PITPNB: variants seen among roughly 807,000 people sequenced by gnomAD.
The protein encoded by PITPNB is phosphatidylinositol transfer protein beta isoform.
In PITPNB, 16 loss-of-function variants were observed where a neutral mutation model predicts 45.9. That is an observed-to-expected ratio of 0.35 (90% CI 0.24 to 0.53). The LOEUF is 0.53. PITPNB is among the 20% of genes least tolerant of loss of function. PITPNB has a pLI of 0.93. For synonymous variants in PITPNB, 112 were observed against 108.9 expected (o/e 1.03, Z -0.18); for missense variants, 188 against 330.5 (o/e 0.57, Z 3.34).
chr22:27,919,070 A>G, intron 1 of PITPNB, 102 bp downstream of exon 1: 2 of 1,584,460 alleles, frequency 1.3e-6, no homozygotes, highest in Middle Eastern at 3.3e-4. Flanking sequence ...AGGGGCTGAC[A>G]CAGGGCTGAC....
chr22:27,896,768 C>A, intron 5 of PITPNB, 142 bp from the exon 6 acceptor site: 1 of 627,922 alleles, frequency 1.6e-6, no homozygotes, highest in Non-Finnish European at 2.8e-6. Flanking sequence ...GAATCATTGG[C>A]TACCGATTTT....
chr22:27,857,663 G>GC (rs1934211054), intron 10 of PITPNB, among the ~76,000 whole-genome samples: 1 of 152,186 alleles, frequency 6.6e-6, no homozygotes, highest in Non-Finnish European at 1.5e-5. Flanking sequence ...CACCCATGGG[G>GC]CCTTACTGCC....
chr22:27,910,013 T>C (rs1412124908), intron 3 of PITPNB, among the ~76,000 whole-genome samples: 1 of 149,760 alleles, frequency 6.7e-6, no homozygotes, highest in Admixed American at 6.7e-5. Flanking sequence ...TGCAGTGGTG[T>C]GATCTCGGCT....
Position 27,896,590 on chromosome 22 carries a change from C to T in PITPNB, c.334G>A (p.Glu112Lys). 1.2e-6 allele frequency: 2 copies of T among 1,611,196 alleles called. No individual in the cohort carries two copies. The highest frequency in any genetic ancestry group is 1.7e-6 in the Non-Finnish European group (2 of 1,177,358). The part of the protein sequence containing the change: ...YMKDDFFIKI[E>K]TWHKPDLGTL... ...CCCAAGTCTGGTTTGTGCCATGTTT[C>T]GATTTTAATGAAGAAATCATCTTTC... is the stretch of plus-strand genomic sequence containing the variant. Residue 112 changes from glutamate (E) to lysine (K), a missense_variant, in exon 6 of 12, where the codon GAA becomes AAA. Glu to Lys is a moderately conservative substitution (Grantham distance 56). Coordinates refer to ENST00000335272, the MANE Select transcript of PITPNB (RefSeq NM_012399.5).
At chr22:27,885,350 T>A (rs1038573701) in intron 7 of PITPNB, among the ~76,000 whole-genome samples, 1 of 151,822 alleles carries the variant, frequency 6.6e-6, no homozygotes, top group Admixed American at 6.6e-5. Flanking sequence ...AATCCTAAAC[T>A]TTTTACTGTG....
At chr22:27,915,884 C>G (rs1438911354) in intron 1 of PITPNB, among the ~76,000 whole-genome samples, 2 of 151,956 alleles carry the variant, frequency 1.3e-5, no homozygotes, top group Non-Finnish European at 2.9e-5. Context: ...ATAAGGAATC[C>G]CAAAAGGTTG....
chr22:27,879,127 T>C (rs1934899070), intron 7 of PITPNB, among the ~76,000 whole-genome samples: 1 of 152,172 alleles, frequency 6.6e-6, no homozygotes, highest in Non-Finnish European at 1.5e-5. Context: ...GTGGGAGCAC[T>C]GCTAGGCTAG....
intron 3 of PITPNB, among the ~76,000 whole-genome samples, chr22:27,908,836 C>T (rs1366161583): frequency 1.3e-5 from 2 of 152,064 alleles, no homozygotes; most frequent in African/African-American, 4.8e-5. Context: ...ATTGATTGAT[C>T]AGAGTTACTG....
intron 7 of PITPNB, among the ~76,000 whole-genome samples, chr22:27,881,435 G>T (rs1413493599): frequency 6.6e-6 from 1 of 152,190 alleles, no homozygotes; most frequent in Non-Finnish European, 1.5e-5. Flanking sequence ...CTAGTGATAA[G>T]TAACACATTT....
intron 3 of PITPNB, among the ~76,000 whole-genome samples, chr22:27,909,207 C>CTT (rs34224616): frequency 0.047 from 3,854 of 81,824 alleles, 92 homozygotes; most frequent in Admixed American, 0.084. Flanking sequence ...ACTGGTAGTA[C>CTT]TTTTTTTTTT....
chr22:27,913,003 A>AAAG (rs398036742), intron 2 of PITPNB, among the ~76,000 whole-genome samples: 23 of 138,194 alleles, frequency 1.7e-4, no homozygotes, highest in East Asian at 2.3e-4. Flanking sequence ...AAAAAAAAAA[A>AAAG]GGTGGGGGGG....
chr22:27,886,045 G>C (rs888040166), intron 7 of PITPNB, among the ~76,000 whole-genome samples: 4 of 152,232 alleles, frequency 2.6e-5, no homozygotes, highest in Non-Finnish European at 5.9e-5. Flanking sequence ...AGGGCGTGAG[G>C]TGTGTCCTGC....
chr22:27,894,618 G>A lies in PITPNB; in HGVS notation c.393C>T (p.Asn131=). The change falls in exon 7 of 12, where the codon AAC becomes AAT. Residue 131 remains asparagine, a synonymous_variant. Coordinates refer to ENST00000335272, the MANE Select transcript of PITPNB (RefSeq NM_012399.5). ...TLENVHGLDP[N]TWKTVEIVHI... ...GGACAATTTCAACAGTTTTCCATGT[G>A]TTTGGATCTAAACCATGTACCTACC... 1 of 1,601,642 alleles carries A rather than the reference G, an allele frequency of 6.2e-7. No homozygotes were observed. The highest frequency in any genetic ancestry group is 1.3e-5 in the African/African-American group (1 of 74,830).
intron 1 of PITPNB, among the ~76,000 whole-genome samples, chr22:27,917,962 G>A (rs189075703): frequency 1.6e-4 from 24 of 152,324 alleles, no homozygotes; most frequent in Middle Eastern, 3.4e-3. Flanking sequence ...GAGTTAGTGT[G>A]CCAAGGGAAG....
In PITPNB at chr22:27,882,236, CCTT is replaced by C. The variant is rs1313218930; in HGVS notation, c.457-8424_457-8422del. Among the ~76,000 whole-genome samples, 3 of 152,106 alleles carry C rather than the reference CCTT, an allele frequency of 2.0e-5. No homozygotes were observed. In the East Asian group the frequency reaches 5.8e-4, roughly 29 times the overall value. The stretch of plus-strand genomic sequence containing the variant: ...TAATATGTTTAAAAAGAGCAAAATA[CCTT>C]TTTTTTAAACAATATACACCCATGG... On this transcript the variant is annotated intron_variant, in intron 7 of 11. Coordinates refer to ENST00000335272, the MANE Select transcript of PITPNB (RefSeq NM_012399.5).
chr22:27,862,303 A>G (rs1934362436), intron 8 of PITPNB, among the ~76,000 whole-genome samples: 1 of 152,114 alleles, frequency 6.6e-6, no homozygotes, highest in African/African-American at 2.4e-5. Flanking sequence ...ATTTTTCCCC[A>G]TTATCTACCA....
chr22:27,897,371 G>C (rs1935465718), intron 4 of PITPNB, among the ~76,000 whole-genome samples: 1 of 152,152 alleles, frequency 6.6e-6, no homozygotes, highest in Non-Finnish European at 1.5e-5. Context: ...TAAAAATAAT[G>C]CTAAAAAGAA....
intron 2 of PITPNB, among the ~76,000 whole-genome samples, chr22:27,912,273 C>T (rs1601431323): frequency 6.6e-6 from 1 of 152,280 alleles, no homozygotes; most frequent in Non-Finnish European, 1.5e-5. Flanking sequence ...CACCCACACA[C>T]ACACTCTTAC....
intron 3 of PITPNB, among the ~76,000 whole-genome samples, chr22:27,900,670 A>G (rs1935567859): frequency 1.3e-5 from 2 of 152,246 alleles, no homozygotes; most frequent in Admixed American, 1.3e-4. Flanking sequence ...AAATAAAATT[A>G]AATTTCAATT....
Sources: gnomAD v4.1 joint callset for allele counts (sites outside exome capture counted in the v4.1 genomes callset) on GRCh38, gnomAD v4.1.1 for gene constraint, MANE v1.5 for transcripts, NCBI Gene and HGNC (gene_info 2026-07-23, HGNC 2026-07-21) for gene names.